Variants in GALNT13 observed in about 807,000 individuals in gnomAD.
GALNT13 encodes the protein UDP-GalNAc:polypeptide N-acetylgalactosaminyltransferase 13.
GALNT13 carries 28 observed loss-of-function variants against 64.2 expected under a neutral mutation model. The ratio of observed to expected loss-of-function variants is 0.44; its 90% confidence interval spans 0.32 to 0.60. The LOEUF is 0.60. Among genes scored for constraint, GALNT13 ranks in the 20% least tolerant of loss-of-function variants. GALNT13 has a pLI of 0.05. For missense variants in GALNT13, 577 were observed against 669.8 expected (o/e 0.86, Z 1.53); for synonymous variants, 214 against 224.6 (o/e 0.95, Z 0.42).
the GALNT13 span, among the ~76,000 whole-genome samples, chr2:153,079,139 C>T: frequency 2.6e-5 from 4 of 152,184 alleles, no homozygotes; most frequent in East Asian, 7.7e-4. Context: ...TCATAGATCC[C>T]AAGTGGAGGG....
At chr2:154,024,387 G>A (rs1697777092) in intron 3 of GALNT13, among the ~76,000 whole-genome samples, 1 of 152,080 alleles carries the variant, frequency 6.6e-6, no homozygotes, top group Non-Finnish European at 1.5e-5. Flanking sequence ...TGGAGGCTTT[G>A]TTCATTTCTT....
chr2:154,374,971 A>C (rs905020864), intron 9 of GALNT13, among the ~76,000 whole-genome samples: 1 of 152,140 alleles, frequency 6.6e-6, no homozygotes, highest in Non-Finnish European at 1.5e-5. Flanking sequence ...AATATAATCT[A>C]TAGTTTTTCA....
At chr2:153,496,967 C>T in the GALNT13 span, among the ~76,000 whole-genome samples, 363 of 140,288 alleles carry the variant, frequency 2.6e-3, 1 homozygote, top group Middle Eastern at 0.037. Flanking sequence ...GCACTCCAGC[C>T]TGGGCGACAG....
chr2:153,557,021 C>T, the GALNT13 span, among the ~76,000 whole-genome samples: 6 of 152,096 alleles, frequency 3.9e-5, no homozygotes, highest in Non-Finnish European at 7.4e-5. Context: ...TGTTCCCCAT[C>T]CCCACAAATT....
chr2:153,803,467 C>T, the GALNT13 span, among the ~76,000 whole-genome samples: 11 of 152,038 alleles, frequency 7.2e-5, no homozygotes, highest in African/African-American at 1.9e-4. Context: ...CCAAGGCGGG[C>T]GGATCACGAG....
the GALNT13 span, among the ~76,000 whole-genome samples, chr2:153,224,262 T>C: frequency 2.6e-5 from 4 of 151,926 alleles, no homozygotes; most frequent in South Asian, 8.3e-4. Flanking sequence ...GAGCTAAACA[T>C]TGAGGACACA....
chr2:154,191,854 C>T (rs560395721), intron 4 of GALNT13, among the ~76,000 whole-genome samples: 3 of 152,242 alleles, frequency 2.0e-5, no homozygotes, highest in South Asian at 2.1e-4. Context: ...TTTAGCCAAC[C>T]GCTGTTGGCT....
intron 11 of GALNT13, among the ~76,000 whole-genome samples, chr2:154,433,962 G>A (rs539986665): frequency 4.4e-4 from 67 of 152,244 alleles, no homozygotes; most frequent in Non-Finnish European, 7.6e-4. Flanking sequence ...TCATTAGGGT[G>A]CCCTAATCTA....
the GALNT13 span, among the ~76,000 whole-genome samples, chr2:153,511,982 G>A: frequency 3.3e-5 from 5 of 152,138 alleles, no homozygotes; most frequent in Admixed American, 2.6e-4. Flanking sequence ...GAAGATTATG[G>A]AGAAGGCACA....
the GALNT13 span, among the ~76,000 whole-genome samples, chr2:153,846,173 C>T: frequency 2.0e-5 from 3 of 151,924 alleles, no homozygotes; most frequent in Non-Finnish European, 2.9e-5. Flanking sequence ...TTTGAATACA[C>T]GGAAAGGATA....
At chr2:153,098,776 T>C in the GALNT13 span, among the ~76,000 whole-genome samples, 4 of 152,156 alleles carry the variant, frequency 2.6e-5, no homozygotes, top group East Asian at 1.9e-4. Context: ...TGGAGTGGAT[T>C]TCCTGAGTCG....
At chr2:153,613,439 A>T in the GALNT13 span, among the ~76,000 whole-genome samples, 1 of 152,090 alleles carries the variant, frequency 6.6e-6, no homozygotes, top group East Asian at 1.9e-4. Flanking sequence ...TTTCTGTCAG[A>T]TGCAAAAAGT....
chr2:153,867,147 TTTGTG>T (rs1685781285), upstream of GALNT13, among the ~76,000 whole-genome samples: 1 of 152,224 alleles, frequency 6.6e-6, no homozygotes, highest in Non-Finnish European at 1.5e-5. Flanking sequence ...TTGCTAAATC[TTTGTG>T]TTATTAGCTG....
At chr2:154,356,016 C>T (rs1247421864) in intron 9 of GALNT13, among the ~76,000 whole-genome samples, 1 of 151,984 alleles carries the variant, frequency 6.6e-6, no homozygotes, top group Non-Finnish European at 1.5e-5. Context: ...TGGTTTCAAA[C>T]ACCTCGATTT....
chr2:153,439,707 T>C, the GALNT13 span, among the ~76,000 whole-genome samples: 1 of 152,172 alleles, frequency 6.6e-6, no homozygotes, highest in South Asian at 2.1e-4. Flanking sequence ...ATTTTCCAGG[T>C]GCCATCAGTC....
the GALNT13 span, among the ~76,000 whole-genome samples, chr2:153,086,447 G>T: frequency 6.6e-6 from 1 of 152,062 alleles, no homozygotes; most frequent in Non-Finnish European, 1.5e-5. Context: ...TTGAATCGGG[G>T]GGCTGTTTTT....
intron 3 of GALNT13, among the ~76,000 whole-genome samples, chr2:154,034,997 A>T (rs948767714): frequency 1.3e-5 from 2 of 152,134 alleles, no homozygotes. Flanking sequence ...ATGGAAAAAA[A>T]TATGATGCTG....
intron 10 of GALNT13, among the ~76,000 whole-genome samples, chr2:154,400,034 A>T (rs1335073200): frequency 1.3e-5 from 2 of 152,166 alleles, no homozygotes; most frequent in Admixed American, 1.3e-4. Flanking sequence ...TTCCATGGAA[A>T]CAGAAGGACA....
chr2:153,783,591 A>G, the GALNT13 span, among the ~76,000 whole-genome samples: 1 of 152,112 alleles, frequency 6.6e-6, no homozygotes, highest in East Asian at 1.9e-4. Context: ...GGCCAAGCTT[A>G]TAGGGTTTCG....
Sources: allele counts gnomAD v4.1 joint callset (sites outside exome capture counted in the v4.1 genomes callset), GRCh38; gene constraint gnomAD v4.1.1; transcripts MANE v1.5; gene names NCBI Gene and HGNC (gene_info 2026-07-23, HGNC 2026-07-21).